The following TXNRD1 variants were observed in gnomAD, a reference collection of about 807,000 sequenced individuals.
The protein encoded by TXNRD1 is thioredoxin reductase 1, cytoplasmic.
TXNRD1 carries 57 observed loss-of-function variants against 80.3 expected under a neutral mutation model. That is an observed-to-expected ratio of 0.71 (90% CI 0.57 to 0.89). TXNRD1 has a LOEUF of 0.89. Among genes scored for constraint, TXNRD1 ranks in the 40% least tolerant of loss-of-function variants. The probability of loss-of-function intolerance (pLI) is 0.00; values close to 1 mark genes in which losing one functional copy is unlikely to be tolerated. For missense variants in TXNRD1, 730 were observed against 803.0 expected, an observed-to-expected ratio of 0.91 and a Z score of 1.10; for synonymous variants, 291 against 285.2, an observed-to-expected ratio of 1.02 and a Z score of -0.20.
chr12:104,312,220 A>G (rs10861196), intron 5 of TXNRD1, among the ~76,000 whole-genome samples: 74,069 of 151,840 alleles, frequency 0.49, 18,518 homozygotes, highest in East Asian at 0.62. Flanking sequence ...TGCTTTTTGT[A>G]TATGTGAGGT....
At chr12:104,305,107 G>T in intron 4 of TXNRD1, 2 of 653,536 alleles carry the variant, frequency 3.1e-6, no homozygotes, top group African/African-American at 1.9e-5. Context: ...ATAAGGTCAT[G>T]ATCTTCTGTT....
At chr12:104,298,808 G>T (rs1445780053) in intron 4 of TXNRD1, among the ~76,000 whole-genome samples, 3 of 148,674 alleles carry the variant, frequency 2.0e-5, no homozygotes, top group Non-Finnish European at 3.0e-5. Flanking sequence ...TTTGTATACA[G>T]TTTTTTTTTT....
intron 3 of TXNRD1, among the ~76,000 whole-genome samples, chr12:104,274,235 TCCAAG>T (rs2033711119): frequency 6.6e-6 from 1 of 152,066 alleles, no homozygotes; most frequent in Admixed American, 6.6e-5. Context: ...ATTAGAAAGA[TCCAAG>T]GCTCCTTCAG....
rs1400755759 is a variant in TXNRD1, at chr12:104,348,438, T to C, written c.*17T>C. On this transcript the variant is annotated 3_prime_UTR_variant, in exon 17 of 17. Transcript: ENST00000525566. ...TGAGGTTAAGCCCCAGTGTGGATGCTGTTGCCAAGACTGCAAACCACTGGC... is the reference window on the plus strand; with the variant it reads ...TGAGGTTAAGCCCCAGTGTGGATGCCGTTGCCAAGACTGCAAACCACTGGC... 6.2e-7 allele frequency: 1 copy of C among 1,613,540 alleles called. No individual in the cohort carries two copies. Among genetic ancestry groups the C allele is most frequent in the East Asian group, 2.2e-5 (1 of 44,898 alleles).
At chr12:104,265,404 C>A in intron 3 of TXNRD1, 4 of 1,605,918 alleles carry the variant, frequency 2.5e-6, no homozygotes, top group Non-Finnish European at 3.4e-6. Context: ...GCATGCGAAT[C>A]TTTGCGCCTA....
In TXNRD1 at chr12:104,349,052, C is replaced by G. The variant is rs1173849026; in HGVS notation, c.*631C>G. On this transcript the variant is annotated 3_prime_UTR_variant, in exon 17 of 17. Coordinates refer to ENST00000525566, the MANE Select transcript of TXNRD1 (RefSeq NM_001093771.3). ...AAAACAAGTACATCTGCGATCAACT[C>G]TAGCCAAATTTGCCCCTGTGTGCTA... 1 of 152,326 alleles carries G rather than the reference C, an allele frequency of 6.6e-6. No homozygotes were observed. Among genetic ancestry groups the G allele is most frequent in the East Asian group, 1.9e-4 (1 of 5,202 alleles). The allele number at this position is 152,326 out of a possible 1,614,324, so 9.4% of individuals were successfully genotyped here.
chr12:104,313,419 A>G (rs2035209998), intron 6 of TXNRD1, 102 bp downstream of exon 6: 2 of 893,386 alleles, frequency 2.2e-6, no homozygotes, highest in South Asian at 3.7e-5. Flanking sequence ...TCAAAAACTA[A>G]GTTAAAGAAA....
At chr12:104,287,250 G>T in intron 3 of TXNRD1, 2 of 1,613,782 alleles carry the variant, frequency 1.2e-6, no homozygotes, top group African/African-American at 1.3e-5. Flanking sequence ...ATATTTTAAG[G>T]CGTGTCTGAG....
At chr12:104,258,635 A>C (rs2033302905) in intron 3 of TXNRD1, among the ~76,000 whole-genome samples, 1 of 152,148 alleles carries the variant, frequency 6.6e-6, no homozygotes, top group Non-Finnish European at 1.5e-5. Context: ...CATTATTAAG[A>C]ATCTAATCTA....
At chr12:104,297,268 G>T (rs2034464900) in intron 4 of TXNRD1, among the ~76,000 whole-genome samples, 1 of 145,336 alleles carries the variant, frequency 6.9e-6, no homozygotes, top group African/African-American at 2.6e-5. Flanking sequence ...TCCTGCCATT[G>T]CACTCCAGCC....
At chr12:104,306,930 G>C (rs2034940242) in intron 4 of TXNRD1, among the ~76,000 whole-genome samples, 1 of 152,150 alleles carries the variant, frequency 6.6e-6, no homozygotes, top group African/African-American at 2.4e-5. Context: ...TTGCTCTGTT[G>C]AATGTCTCAT....
chr12:104,259,189 G>A (rs1419392761), intron 3 of TXNRD1, among the ~76,000 whole-genome samples: 1 of 152,002 alleles, frequency 6.6e-6, no homozygotes, highest in Admixed American at 6.6e-5. Context: ...GACCAGCCTG[G>A]CCAATATGGT....
intron 4 of TXNRD1, among the ~76,000 whole-genome samples, chr12:104,301,480 G>C (rs896262612): frequency 6.6e-6 from 1 of 152,208 alleles, no homozygotes; most frequent in Non-Finnish European, 1.5e-5. Context: ...TGGGACTACA[G>C]GCGCCTGCAA....
intron 3 of TXNRD1, chr12:104,262,330 T>C (rs1162862745): frequency 6.6e-6 from 1 of 152,000 alleles, no homozygotes; most frequent in Non-Finnish European, 1.5e-5. Context: ...TTGTGAGATT[T>C]ATTTGTCCCA....
intron 6 of TXNRD1, among the ~76,000 whole-genome samples, chr12:104,313,558 A>G (rs1215415013): frequency 2.6e-5 from 4 of 152,230 alleles, no homozygotes; most frequent in Non-Finnish European, 5.9e-5. Flanking sequence ...TATGATTTAA[A>G]GGTAAATATT....
chr12:104,307,081 T>C (rs1197057091), intron 4 of TXNRD1, among the ~76,000 whole-genome samples: 1 of 152,204 alleles, frequency 6.6e-6, no homozygotes, highest in East Asian at 1.9e-4. Context: ...TTTCTATTTT[T>C]ACTGGTTGGC....
At chr12:104,296,430 G>T (rs2034437310) in intron 4 of TXNRD1, among the ~76,000 whole-genome samples, 1 of 151,996 alleles carries the variant, frequency 6.6e-6, no homozygotes. Flanking sequence ...TTTCTTTAGA[G>T]GCAAGGTCTT....
intron 1 of TXNRD1, among the ~76,000 whole-genome samples, chr12:104,229,187 A>C (rs1593685001): frequency 8.6e-6 from 1 of 116,512 alleles, no homozygotes; most frequent in African/African-American, 3.4e-5. Flanking sequence ...TCACTTTGTC[A>C]CCCAGGCTGG....
intron 4 of TXNRD1, among the ~76,000 whole-genome samples, chr12:104,311,007 TA>T (rs1436295685): frequency 1.3e-5 from 2 of 152,226 alleles, no homozygotes; most frequent in African/African-American, 4.8e-5. Context: ...GGCTAATGAT[TA>T]AACCTGATTT....
Sources: gnomAD v4.1 joint callset for allele counts (sites outside exome capture counted in the v4.1 genomes callset) on GRCh38, gnomAD v4.1.1 for gene constraint, MANE v1.5 for transcripts, NCBI Gene and HGNC (gene_info 2026-07-23, HGNC 2026-07-21) for gene names.